ANKRD61: variants seen among roughly 807,000 people sequenced by gnomAD.
ANKRD61 encodes ankyrin repeat domain 61.
Under a neutral mutation model 8.4 loss-of-function variants are expected in ANKRD61, and 7 were observed. The ratio of observed to expected loss-of-function variants is 0.84; its 90% confidence interval spans 0.48 to 1.57. The LOEUF (loss-of-function observed/expected upper bound fraction) is 1.57. Among genes scored for constraint, ANKRD61 ranks in the 40% most tolerant of loss-of-function variants. ANKRD61 has a pLI of 0.00. For synonymous variants in ANKRD61, 198 were observed against 208.0 expected, an observed-to-expected ratio of 0.95 and a Z score of 0.41; for missense variants, 516 against 523.4, an observed-to-expected ratio of 0.99 and a Z score of 0.14.
chr7:6,033,059 C>T lies in ANKRD61; in HGVS notation c.314+123C>T. 1 of 787,196 alleles carries T rather than the reference C, an allele frequency of 1.3e-6. No homozygotes were observed. The highest frequency in any genetic ancestry group is 2.0e-6 in the Non-Finnish European group (1 of 510,898). The allele number at this position is 787,196 out of a possible 1,614,324, so 48.8% of individuals were successfully genotyped here. On this transcript the variant is annotated intron_variant, in intron 2 of 2. Transcript: ENST00000409061. The surrounding 1 kb of genome is among the most constrained non-coding windows in gnomAD (Gnocchi z 4.4). The stretch of plus-strand genomic sequence containing the variant: ...TCTCGCCTCACTGCAACCTCTACTT[C>T]CTGGGTTCAAGAGCTTCTCCCACCT...
Position 6,032,955 on chromosome 7 carries a change from A to G in ANKRD61, c.314+19A>G, listed in dbSNP as rs1787960152. The G allele has an allele frequency of 1.3e-6, 2 of 1,539,672 alleles. No homozygotes were observed. The highest frequency in any genetic ancestry group is 1.4e-5 in the African/African-American group (1 of 72,808). The stretch of plus-strand genomic sequence containing the variant: ...AAGTCAGGTAAGTTAACTCCACCGA[A>G]AATCATTTCTTTTTTTTTCTTTTTT... On this transcript the variant is annotated intron_variant, in intron 2 of 2. Coordinates refer to ENST00000409061, the MANE Select transcript of ANKRD61 (RefSeq NM_001271700.2). This position sits in a 1 kb window ranked among gnomAD's most constrained non-coding sequence, Gnocchi z 4.3.
chr7:6,035,954 C>G lies in ANKRD61; in HGVS notation c.825C>G (p.Asp275Glu), dbSNP rs1583483611. ...LTHGAKVNAQDYKGQTAIHEA... is the reference protein window; with the variant it reads ...LTHGAKVNAQEYKGQTAIHEA... The stretch of plus-strand genomic sequence containing the variant: ...ACGGAGCCAAAGTCAACGCCCAGGA[C>G]TACAAGGGCCAAACAGCCATCCATG... The change falls in exon 3 of 3, where the codon GAC becomes GAG. Residue 275 changes from aspartate (D) to glutamate (E), a missense_variant. Transcript: ENST00000409061. The surrounding 1 kb of genome is among the most constrained non-coding windows in gnomAD (Gnocchi z 5.5). 1 of 1,549,294 alleles carries G rather than the reference C, an allele frequency of 6.5e-7. No individual in the cohort carries two copies. The highest frequency in any genetic ancestry group is 8.7e-7 in the Non-Finnish European group (1 of 1,146,064).
Position 6,033,886 on chromosome 7 carries a change from T to G in ANKRD61, c.314+950T>G, listed in dbSNP as rs1464335044. 6.6e-6 allele frequency among the ~76,000 whole-genome samples: 1 copy of G among 151,986 alleles called. No homozygotes were observed. Among genetic ancestry groups the G allele is most frequent in the African/African-American group, 2.4e-5 (1 of 41,402 alleles). ...GCCTGGCCGACAATGGATTTTCTTG[T>G]TTATTACTCTCCACTAGAAGGTAAG... On this transcript the variant is annotated intron_variant, in intron 2 of 2. Transcript: ENST00000409061. This position sits in a 1 kb window ranked among gnomAD's most constrained non-coding sequence, Gnocchi z 4.4.
rs549432296 is a variant in ANKRD61, at chr7:6,031,702, C to T, written c.216+111C>T. 1.3e-5 allele frequency: 14 copies of T among 1,037,702 alleles called. No individual in the cohort carries two copies. In the African/African-American group the frequency reaches 2.1e-4, roughly 15 times the overall value. The allele number at this position is 1,037,702 out of a possible 1,614,324, so 64.3% of individuals were successfully genotyped here. ...GCTCACGGCCCTTATGAGAATGAGA[C>T]ACGACTCCAGCTCACTCCACACACA... On this transcript the variant is annotated intron_variant, in intron 1 of 2. Transcript: ENST00000409061.
chr7:6,036,000 G>A lies in ANKRD61; in HGVS notation c.871G>A (p.Glu291Lys). Residue 291 changes from glutamate to lysine, a missense_variant, in exon 3 of 3, where the codon GAG becomes AAG. Physicochemically the swap from Glu to Lys is moderately conservative, Grantham distance 56 (BLOSUM62 1). Transcript: ENST00000409061. The surrounding 1 kb of genome is among the most constrained non-coding windows in gnomAD (Gnocchi z 5.5). ...CCATGAGGCATGCTTTGGAGGCAGA[G>A]AGGCAATCATCAATCTCCTGCTTGA... is the stretch of plus-strand genomic sequence containing the variant. ...AIHEACFGGREAIINLLLEFE... is the reference protein window; with the variant it reads ...AIHEACFGGRKAIINLLLEFE... The A allele has an allele frequency of 6.4e-7, 1 of 1,551,102 alleles. No homozygotes were observed. The highest frequency in any genetic ancestry group is 8.7e-7 in the Non-Finnish European group (1 of 1,147,126).
Position 6,036,549 on chromosome 7 carries a change from T to C in ANKRD61, c.*163T>C, listed in dbSNP as rs562826146. ...TCCAAAATACAAAGTGATTTGTCTA[T>C]TAACATTTTTGTTCCTAGGTTTTTT... On this transcript the variant is annotated 3_prime_UTR_variant, in exon 3 of 3. Coordinates refer to ENST00000409061, the MANE Select transcript of ANKRD61 (RefSeq NM_001271700.2). This position sits in a 1 kb window ranked among gnomAD's most constrained non-coding sequence, Gnocchi z 4.6. 2.0e-5 allele frequency among the ~76,000 whole-genome samples: 3 copies of C among 151,808 alleles called. No homozygotes were observed. Among genetic ancestry groups the C allele is most frequent in the South Asian group, 4.2e-4 (2 of 4,780 alleles).
At position 6,035,336 on chromosome 7, in the gene ANKRD61, T is replaced by A; in HGVS notation, c.315-108T>A. 2 of 1,074,446 alleles carry A rather than the reference T, an allele frequency of 1.9e-6. No homozygotes were observed. The highest frequency in any genetic ancestry group is 2.6e-6 in the Non-Finnish European group (2 of 756,700). The allele number at this position is 1,074,446 out of a possible 1,614,324, so 66.6% of individuals were successfully genotyped here. ...ATTTTGAAACACGTCCTTAAGGTAA[T>A]TGAAGGGTCTTACTTTAAATAAATA... On this transcript the variant is annotated intron_variant, in intron 2 of 2. Coordinates refer to ENST00000409061, the MANE Select transcript of ANKRD61 (RefSeq NM_001271700.2). This position sits in a 1 kb window ranked among gnomAD's most constrained non-coding sequence, Gnocchi z 5.5.
At position 6,035,679 on chromosome 7, in the gene ANKRD61, C is replaced by G; in HGVS notation, c.550C>G (p.Leu184Val). ...LAIAYGCYPV[L>V]SILTQNGADV... The stretch of plus-strand genomic sequence containing the variant: ...CATAGCATATGGTTGCTATCCAGTT[C>G]TCTCCATTTTGACCCAAAATGGTGC... Residue 184 changes from leucine to valine, a missense_variant, in exon 3 of 3, where the codon CTC becomes GTC. Physicochemically the swap from Leu to Val is conservative, Grantham distance 32 (BLOSUM62 1). Transcript: ENST00000409061. This position sits in a 1 kb window ranked among gnomAD's most constrained non-coding sequence, Gnocchi z 5.5. 1 of 1,550,694 alleles carries G rather than the reference C, an allele frequency of 6.4e-7. No homozygotes were observed. Among genetic ancestry groups the G allele is most frequent in the Non-Finnish European group, 8.7e-7 (1 of 1,147,058 alleles).
chr7:6,034,315 A>T (rs1338945279), intron 2 of ANKRD61, among the ~76,000 whole-genome samples: 2 of 151,916 alleles, frequency 1.3e-5, no homozygotes, highest in Non-Finnish European at 2.9e-5. Context: ...TCAAAATAAT[A>T]ATAATAATAG....
chr7:6,034,924 G>A (rs939980000), intron 2 of ANKRD61, among the ~76,000 whole-genome samples: 10 of 152,154 alleles, frequency 6.6e-5, no homozygotes, highest in African/African-American at 1.9e-4. Flanking sequence ...TCGGGTAGGA[G>A]AGCAGAGACA....
In ANKRD61 at chr7:6,031,474, T is replaced by C. The variant is rs1787909993; in HGVS notation, c.99T>C (p.Tyr33=). The part of the protein sequence containing the change: ...GPSAALHSKL[Y]EAIMREDCTT... ...CTGCAGCACTTCACTCGAAACTCTA[T>C]GAAGCCATCATGAGAGAAGACTGCA... Residue 33 remains tyrosine, a synonymous_variant, in exon 1 of 3, where the codon TAT becomes TAC. Transcript: ENST00000409061. 2.6e-6 allele frequency: 4 copies of C among 1,550,770 alleles called. No individual in the cohort carries two copies. Among genetic ancestry groups the C allele is most frequent in the Non-Finnish European group, 3.5e-6 (4 of 1,147,028 alleles).
Position 6,032,816 on chromosome 7 carries a change from T to A in ANKRD61, c.217-23T>A. On this transcript the variant is annotated intron_variant, in intron 1 of 2. Coordinates refer to ENST00000409061, the MANE Select transcript of ANKRD61 (RefSeq NM_001271700.2). This position sits in a 1 kb window ranked among gnomAD's most constrained non-coding sequence, Gnocchi z 4.3. ...TTTAACTACACAGGGCCACTTGTAA[T>A]GTGTTTTGTTTTCCCTCCAAAGCCG... 1.3e-6 allele frequency: 2 copies of A among 1,533,502 alleles called. No individual in the cohort carries two copies. Among genetic ancestry groups the A allele is most frequent in the East Asian group, 4.9e-5 (2 of 40,818 alleles). The allele number at this position is 1,533,502 out of a possible 1,614,324, so 95.0% of individuals were successfully genotyped here.
chr7:6,036,003 G>A lies in ANKRD61; in HGVS notation c.874G>A (p.Ala292Thr). The change falls in exon 3 of 3, where the codon GCA becomes ACA. Residue 292 changes from alanine to threonine, a missense_variant. Ala to Thr is a moderately conservative substitution (Grantham distance 58). Transcript: ENST00000409061. The surrounding 1 kb of genome is among the most constrained non-coding windows in gnomAD (Gnocchi z 4.6). ...TGAGGCATGCTTTGGAGGCAGAGAGGCAATCATCAATCTCCTGCTTGAATT... is the reference window on the plus strand; with the variant it reads ...TGAGGCATGCTTTGGAGGCAGAGAGACAATCATCAATCTCCTGCTTGAATT... ...IHEACFGGRE[A>T]IINLLLEFEA... 3 of 1,550,988 alleles carry A rather than the reference G, an allele frequency of 1.9e-6. No individual in the cohort carries two copies. The highest frequency in any genetic ancestry group is 1.7e-6 in the Non-Finnish European group (2 of 1,147,098).
rs763560121 is a variant in ANKRD61, at chr7:6,031,449, C to T, written c.74C>T (p.Ser25Phe). ...GCCAAGTCCCTGGAAGATGGCCCAT[C>T]TGCAGCACTTCACTCGAAACTCTAT... ...DSAKSLEDGPSAALHSKLYEA... is the reference protein window; with the variant it reads ...DSAKSLEDGPFAALHSKLYEA... Residue 25 changes from serine to phenylalanine, a missense_variant, in exon 1 of 3, where the codon TCT (serine) becomes TTT (phenylalanine). Transcript: ENST00000409061. 1.3e-6 allele frequency: 2 copies of T among 1,550,716 alleles called. No individual in the cohort carries two copies. Among genetic ancestry groups the T allele is most frequent in the East Asian group, 2.4e-5 (1 of 40,928 alleles).
chr7:6,036,040 T>A lies in ANKRD61; in HGVS notation c.911T>A (p.Val304Asp). Residue 304 changes from valine (V) to aspartate (D), a missense_variant, in exon 3 of 3, where the codon GTT becomes GAT. Transcript: ENST00000409061. This position sits in a 1 kb window ranked among gnomAD's most constrained non-coding sequence, Gnocchi z 4.6. Reference protein sequence around the residue: ...INLLLEFEANVNILTRNGESP... With the variant: ...INLLLEFEANDNILTRNGESP... ...CTCCTGCTTGAATTTGAAGCAAATGTTAACATTTTAACAAGAAACGGGGAA... is the reference window on the plus strand; with the variant it reads ...CTCCTGCTTGAATTTGAAGCAAATGATAACATTTTAACAAGAAACGGGGAA... 2 of 1,551,080 alleles carry A rather than the reference T, an allele frequency of 1.3e-6. No homozygotes were observed. Among genetic ancestry groups the A allele is most frequent in the Non-Finnish European group, 1.7e-6 (2 of 1,147,140 alleles).
rs778345050 is a variant in ANKRD61 at position 6,035,399 on chromosome 7, T to C, written c.315-45T>C. The C allele has an allele frequency of 7.4e-5, 112 of 1,508,454 alleles. No individual in the cohort carries two copies. The highest frequency in any genetic ancestry group is 6.8e-4 in the Middle Eastern group (4 of 5,854). The allele number at this position is 1,508,454 out of a possible 1,614,324, so 93.4% of individuals were successfully genotyped here. ...GCATTAACTGTCCACGTAGAGCCGTTCCCACTGTGAATTCAGTGTAACGTG... is the reference window on the plus strand; with the variant it reads ...GCATTAACTGTCCACGTAGAGCCGTCCCCACTGTGAATTCAGTGTAACGTG... On this transcript the variant is annotated intron_variant, in intron 2 of 2. Coordinates refer to ENST00000409061, the MANE Select transcript of ANKRD61 (RefSeq NM_001271700.2). The surrounding 1 kb of genome is among the most constrained non-coding windows in gnomAD (Gnocchi z 5.5).
In ANKRD61 at chr7:6,032,638, C is replaced by G. The variant is rs571875568; in HGVS notation, c.217-201C>G. 6.6e-6 allele frequency among the ~76,000 whole-genome samples: 1 copy of G among 152,278 alleles called. No individual in the cohort carries two copies. Among genetic ancestry groups the G allele is most frequent in the Non-Finnish European group, 1.5e-5 (1 of 68,020 alleles). ...AGTAAATGTGCATTTCTGTGAAACA[C>G]AGATTTTATAGGATGGAATTCACTG... is the stretch of plus-strand genomic sequence containing the variant. On this transcript the variant is annotated intron_variant, in intron 1 of 2. Transcript: ENST00000409061. This position sits in a 1 kb window ranked among gnomAD's most constrained non-coding sequence, Gnocchi z 4.3.
rs918697317 is a variant in ANKRD61 at position 6,033,386 on chromosome 7, A to G, written c.314+450A>G. ...TTCTTATGAATGAACCAATGTCTTT[A>G]CTGAGTAGATGAGATACTCTGAAAA... On this transcript the variant is annotated intron_variant, in intron 2 of 2. Transcript: ENST00000409061. This position sits in a 1 kb window ranked among gnomAD's most constrained non-coding sequence, Gnocchi z 4.4. 3.9e-5 allele frequency among the ~76,000 whole-genome samples: 6 copies of G among 152,106 alleles called. No homozygotes were observed. The highest frequency in any genetic ancestry group is 1.4e-4 in the African/African-American group (6 of 41,408).
intron 2 of ANKRD61, among the ~76,000 whole-genome samples, chr7:6,034,555 A>G (rs1788020138): frequency 6.6e-6 from 1 of 152,198 alleles, no homozygotes; most frequent in African/African-American, 2.4e-5. Context: ...GCCGGCTTCC[A>G]CTATTTACTG....
Sources: gnomAD v4.1 joint callset for allele counts (sites outside exome capture counted in the v4.1 genomes callset) on GRCh38, gnomAD v4.1.1 for gene constraint, Gnocchi (gnomAD v3.1) non-coding constraint, MANE v1.5 for transcripts, NCBI Gene and HGNC (gene_info 2026-07-23, HGNC 2026-07-21) for gene names.